NID1: variants seen among roughly 807,000 people sequenced by gnomAD.
NID1 encodes nidogen-1.
In NID1, 76 loss-of-function variants were observed where a neutral mutation model predicts 130.6. The observed-to-expected ratio is 0.58, with a 90% CI of 0.48 to 0.70. The LOEUF (loss-of-function observed/expected upper bound fraction) is 0.70. NID1 is among the 30% of genes least tolerant of loss of function. NID1 has a pLI of 0.00. For synonymous variants in NID1, 665 were observed against 675.1 expected (o/e 0.98, Z 0.23); for missense variants, 1,517 against 1,664.8 (o/e 0.91, Z 1.54).
At chr1:236,015,582 G>C (rs1658566552) in intron 10 of NID1, among the ~76,000 whole-genome samples, 1 of 148,004 alleles carries the variant, frequency 6.8e-6, no homozygotes, top group African/African-American at 2.5e-5. Context: ...AGGAGGCAGA[G>C]GTTGCAGTGA....
intron 12 of NID1, among the ~76,000 whole-genome samples, chr1:236,004,744 A>G (rs755482983): frequency 6.3e-4 from 89 of 140,202 alleles, no homozygotes; most frequent in Non-Finnish European, 1.1e-3. Flanking sequence ...CCTGGGCAAC[A>G]GAGCGAGACT....
chr1:235,979,706 G>T lies in NID1; in HGVS notation c.3509+116C>A. 1 of 1,116,310 alleles carries T rather than the reference G, an allele frequency of 9.0e-7. No individual in the cohort carries two copies. The highest frequency in any genetic ancestry group is 1.3e-6 in the Non-Finnish European group (1 of 758,924). 69.2% of individuals were successfully genotyped at this position (1,116,310 alleles called of 1,614,324 possible). ...GGGAGAGGGGACATCTCTAGAGGGG[G>T]CATTTCTGGAGGCTCAAAAGTCAAG... is the stretch of plus-strand genomic sequence containing the variant. On this transcript the variant is annotated intron_variant, in intron 18 of 19. Transcript: ENST00000264187. The surrounding 1 kb of genome is among the most constrained non-coding windows in gnomAD (Gnocchi z 4.6).
chr1:235,978,136 G>T (rs1376876308), intron 19 of NID1, 148 bp from the exon 20 acceptor site: 2 of 874,364 alleles, frequency 2.3e-6, no homozygotes, highest in Non-Finnish European at 1.7e-6. Context: ...GGGACACTGT[G>T]CTAGGCAGTC....
In NID1 at chr1:235,977,898, G is replaced by A. The variant is rs1182330781; in HGVS notation, c.3713C>T (p.Thr1238Ile). The change falls in exon 20 of 20, where the codon ACC (threonine) becomes ATC (isoleucine). Residue 1238 changes from threonine (T) to isoleucine (I), a missense_variant. Physicochemically the swap from Thr to Ile is moderately conservative, Grantham distance 89 (BLOSUM62 -1). Coordinates refer to ENST00000264187, the MANE Select transcript of NID1 (RefSeq NM_002508.3). ...GSRTCRCPDN[T>I]LGVDCIEQK ...CTGTTCGATACAGTCAACTCCCAAG[G>A]TGTTGTCAGGGCAACGGCAGGTCCT... 1.2e-6 allele frequency: 2 copies of A among 1,614,194 alleles called. No individual in the cohort carries two copies. Among genetic ancestry groups the A allele is most frequent in the Non-Finnish European group, 8.5e-7 (1 of 1,180,024 alleles).
chr1:235,981,474 C>T lies in NID1; in HGVS notation c.3227+137G>A, dbSNP rs1297773296. ...TTGTACCGTGGATATCTACAAGTCA[C>T]CAAAACTGTAGACTCTTTCGTCCCG... On this transcript the variant is annotated intron_variant, in intron 16 of 19. Coordinates refer to ENST00000264187, the MANE Select transcript of NID1 (RefSeq NM_002508.3). The T allele has an allele frequency of 1.2e-5, 11 of 909,868 alleles. 1 individual carries two copies. Among genetic ancestry groups the T allele is most frequent in the South Asian group, 9.1e-5 (5 of 55,184 alleles). 56.4% of individuals were successfully genotyped at this position (909,868 alleles called of 1,614,324 possible).
At position 236,024,946 on chromosome 1, in the gene NID1, A is replaced by C. The variant is rs184775141; in HGVS notation, c.1985-733T>G. ...CAATTTCCTCAGGCACTAACCACACAATTTCTTTTTCTTTTTTTTTTTTTG... is the reference window on the plus strand; with the variant it reads ...CAATTTCCTCAGGCACTAACCACACCATTTCTTTTTCTTTTTTTTTTTTTG... On this transcript the variant is annotated intron_variant, in intron 8 of 19. Coordinates refer to ENST00000264187, the MANE Select transcript of NID1 (RefSeq NM_002508.3). 3.3e-4 allele frequency among the ~76,000 whole-genome samples: 49 copies of C among 150,240 alleles called. 1 individual carries two copies. The East Asian group carries it at 8.6e-3, about 26-fold the overall frequency.
At chr1:236,064,639 C>A in intron 1 of NID1, 2 of 604,304 alleles carry the variant, frequency 3.3e-6, no homozygotes, top group Non-Finnish European at 6.0e-6. Flanking sequence ...CGCGGAGCCA[C>A]CCAGACCCCG....
Position 235,976,240 on chromosome 1 carries a change from C to A in NID1, c.*1627G>T, listed in dbSNP as rs1285092945. 1 of 152,114 alleles carries A rather than the reference C, an allele frequency of 6.6e-6. No homozygotes were observed. The highest frequency in any genetic ancestry group is 1.5e-5 in the Non-Finnish European group (1 of 68,030). The allele number at this position is 152,114 out of a possible 1,614,324, so 9.4% of individuals were successfully genotyped here. A position where few individuals can be genotyped will look rare whatever the true frequency, so the allele number is the denominator to read the frequency against. ...AATGTACTGCAGAAGCAAGTGAGGA[C>A]AAAGTCAGGAGAAGGTGGGGCAGAG... On this transcript the variant is annotated 3_prime_UTR_variant, in exon 20 of 20. Transcript: ENST00000264187.
At chr1:236,064,738 C>G in intron 1 of NID1, 117 bp downstream of exon 1, 1 of 892,406 alleles carries the variant, frequency 1.1e-6, no homozygotes. Flanking sequence ...GCCCGGTGCC[C>G]CGGCGGCCAG....
intron 5 of NID1, among the ~76,000 whole-genome samples, chr1:236,033,930 G>C (rs1558441165): frequency 1.3e-5 from 2 of 152,148 alleles, no homozygotes; most frequent in Non-Finnish European, 2.9e-5. Flanking sequence ...GAAGGTTACT[G>C]TATGGCCCAG....
chr1:236,034,934 T>A (rs1411568694), intron 5 of NID1, among the ~76,000 whole-genome samples: 4 of 152,064 alleles, frequency 2.6e-5, no homozygotes, highest in Non-Finnish European at 2.9e-5. Flanking sequence ...GGGTCAGGAC[T>A]TTCACACCCA....
In NID1 at chr1:236,042,001, C is replaced by T. The variant is rs1659466133; in HGVS notation, c.1044G>A (p.Glu348=). The T allele has an allele frequency of 1.2e-6, 2 of 1,614,214 alleles. No individual in the cohort carries two copies. Among genetic ancestry groups the T allele is most frequent in the Non-Finnish European group, 1.7e-6 (2 of 1,180,036 alleles). ...CTGCCAACTGGAAAGACCTGGTTCT[C>T]TCTGTGGGAGGTCCAAGGGGCCTTT... ...ATERPLGPPT[E]RTRSFQLAVE... Residue 348 remains glutamate (E), a synonymous_variant, in exon 4 of 20, where the codon GAG becomes GAA. Transcript: ENST00000264187.
At chr1:236,025,603 C>A (rs1484250207) in intron 8 of NID1, among the ~76,000 whole-genome samples, 2 of 152,150 alleles carry the variant, frequency 1.3e-5, no homozygotes, top group Admixed American at 1.3e-4. Context: ...GTTTTAAAAG[C>A]CCTGCCAATG....
At chr1:236,054,256 G>A (rs1462484683) in intron 1 of NID1, among the ~76,000 whole-genome samples, 1 of 152,192 alleles carries the variant, frequency 6.6e-6, no homozygotes, top group Non-Finnish European at 1.5e-5. Flanking sequence ...AGGAGTTTGA[G>A]AGCAGCCCGG....
chr1:236,046,843 G>A (rs950674792), intron 2 of NID1, among the ~76,000 whole-genome samples: 3 of 152,218 alleles, frequency 2.0e-5, no homozygotes, highest in African/African-American at 7.2e-5. Context: ...GTGTCATGCA[G>A]GCCCCTAACA....
At chr1:236,062,507 G>A (rs925996164) in intron 1 of NID1, among the ~76,000 whole-genome samples, 6 of 151,894 alleles carry the variant, frequency 4.0e-5, no homozygotes, top group African/African-American at 4.8e-5. Context: ...GGTGGTGCGC[G>A]CCTGTAATCC....
chr1:236,035,005 T>A (rs1572609780), intron 5 of NID1, among the ~76,000 whole-genome samples: 1 of 150,322 alleles, frequency 6.7e-6, no homozygotes, highest in Non-Finnish European at 1.5e-5. Context: ...TCTTTTTTTT[T>A]ATTATACTTT....
intron 12 of NID1, among the ~76,000 whole-genome samples, chr1:235,998,067 C>A (rs187643443): frequency 5.9e-5 from 9 of 152,258 alleles, no homozygotes; most frequent in African/African-American, 2.2e-4. Flanking sequence ...AGAGACATTT[C>A]GAGCTCTGCA....
At chr1:236,018,656 T>C (rs1658668857) in intron 9 of NID1, among the ~76,000 whole-genome samples, 1 of 152,192 alleles carries the variant, frequency 6.6e-6, no homozygotes. Context: ...CAGCTACTTC[T>C]GGCATTTCTA....
Sources: allele counts gnomAD v4.1 joint callset (sites outside exome capture counted in the v4.1 genomes callset), GRCh38; gene constraint gnomAD v4.1.1; non-coding constraint Gnocchi (gnomAD v3.1); transcripts MANE v1.5; gene names NCBI Gene and HGNC (gene_info 2026-07-23, HGNC 2026-07-21).